Variants in MAP2K6 observed in about 807,000 individuals in gnomAD.
MAP2K6 encodes dual specificity mitogen-activated protein kinase kinase 6.
A neutral mutation model predicts 53.7 loss-of-function variants in MAP2K6; 16 were observed. The ratio of observed to expected loss-of-function variants is 0.30; its 90% CI spans 0.20 to 0.45. MAP2K6 has a LOEUF of 0.45. Among genes scored for constraint, MAP2K6 ranks in the 20% least tolerant of loss-of-function variants. The pLI is 1.00. For missense variants in MAP2K6, 204 were observed against 411.9 expected, an observed-to-expected ratio of 0.50 and a Z score of 4.37; for synonymous variants, 132 against 143.1, an observed-to-expected ratio of 0.92 and a Z score of 0.55.
intron 1 of MAP2K6, among the ~76,000 whole-genome samples, chr17:69,455,469 CT>C (rs1907372774): frequency 6.6e-6 from 1 of 152,104 alleles, no homozygotes; most frequent in African/African-American, 2.4e-5. Flanking sequence ...TATTTCTCCC[CT>C]GAGTCTCATT....
intron 11 of MAP2K6, among the ~76,000 whole-genome samples, chr17:69,536,613 T>A (rs1331058139): frequency 3.9e-5 from 6 of 152,088 alleles, no homozygotes; most frequent in Admixed American, 6.5e-5. Flanking sequence ...GGAAAAAAAA[T>A]TTTGCTTTTT....
intron 1 of MAP2K6, among the ~76,000 whole-genome samples, chr17:69,448,465 G>A (rs1343978085): frequency 6.6e-6 from 1 of 152,100 alleles, no homozygotes; most frequent in Non-Finnish European, 1.5e-5. Flanking sequence ...TTCCCAGCCC[G>A]AAGCTGGAGG....
At position 69,523,590 on chromosome 17, in the gene MAP2K6, G is replaced by A. The variant is rs1218918318; in HGVS notation, c.612G>A (p.Leu204=). The change falls in exon 8 of 12, where the codon TTG becomes TTA. Residue 204 remains leucine (L), a synonymous_variant. Transcript: ENST00000590474. ...GCGATTTTGGAATCAGTGGCTACTT[G>A]GTGGACTCTGTTGCTAAAACAATTG... The part of the protein sequence containing the change: ...KMCDFGISGY[L]VDSVAKTIDA... The A allele has an allele frequency of 5.6e-6, 9 of 1,613,954 alleles. No homozygotes were observed. The African/African-American group carries it at 1.1e-4, about 19-fold the overall frequency.
chr17:69,520,722 T>C (rs1910421572), intron 6 of MAP2K6: 1 of 377,702 alleles, frequency 2.6e-6, no homozygotes, highest in Non-Finnish European at 4.7e-6. Context: ...CTAGTAGGCA[T>C]AGAAGAAAGC....
At chr17:69,501,671 T>G (rs1909180290) in intron 1 of MAP2K6, 1 of 152,176 alleles carries the variant, frequency 6.6e-6, no homozygotes, top group African/African-American at 2.4e-5. Flanking sequence ...TAGTGCTGCA[T>G]ATGCCCAATC....
intron 1 of MAP2K6, among the ~76,000 whole-genome samples, chr17:69,445,782 G>T (rs928711437): frequency 6.6e-6 from 1 of 152,092 alleles, no homozygotes; most frequent in Admixed American, 6.6e-5. Flanking sequence ...GTAATAATTG[G>T]GTTGACAGGA....
At chr17:69,485,908 G>A (rs867250129) in intron 1 of MAP2K6, among the ~76,000 whole-genome samples, 28 of 152,094 alleles carry the variant, frequency 1.8e-4, no homozygotes, top group South Asian at 1.2e-3. Flanking sequence ...AAAGTCCCAA[G>A]CATCAAAACT....
intron 2 of MAP2K6, among the ~76,000 whole-genome samples, chr17:69,511,904 A>C (rs1403294822): frequency 2.0e-5 from 3 of 152,218 alleles, no homozygotes. Context: ...GCTTGAACCC[A>C]GGAGGGAGAG....
rs539209236 is a variant in MAP2K6 at position 69,463,963 on chromosome 17, G to A, written c.17-41817G>A. ...GAACCTGGGAGGCGGAGGTTGCAGCGAGCCGAGATTGCGCCACTGCACTCC... is the reference window on the plus strand; with the variant it reads ...GAACCTGGGAGGCGGAGGTTGCAGCAAGCCGAGATTGCGCCACTGCACTCC... On this transcript the variant is annotated intron_variant, in intron 1 of 11. Transcript: ENST00000590474. Among the ~76,000 whole-genome samples, 17 of 152,008 alleles carry A rather than the reference G, an allele frequency of 1.1e-4. No individual in the cohort carries two copies. In the East Asian group the frequency reaches 2.4e-3, roughly 21 times the overall value.
intron 1 of MAP2K6, among the ~76,000 whole-genome samples, chr17:69,449,419 T>A (rs994575429): frequency 1.3e-5 from 2 of 151,664 alleles, no homozygotes; most frequent in African/African-American, 4.8e-5. Flanking sequence ...TTTTTTTGTG[T>A]GGGGAGGTAT....
At chr17:69,421,650 T>A (rs1906083825) in intron 1 of MAP2K6, among the ~76,000 whole-genome samples, 1 of 151,696 alleles carries the variant, frequency 6.6e-6, no homozygotes, top group Non-Finnish European at 1.5e-5. Flanking sequence ...GCCATTCTCC[T>A]GCCTCAGCCT....
chr17:69,485,656 G>T (rs1312083627), intron 1 of MAP2K6, among the ~76,000 whole-genome samples: 4 of 152,220 alleles, frequency 2.6e-5, no homozygotes, highest in Non-Finnish European at 4.4e-5. Flanking sequence ...AGATTTTTCT[G>T]TTTGTCACCC....
intron 1 of MAP2K6, among the ~76,000 whole-genome samples, chr17:69,436,325 AT>A (rs1265686660): frequency 5.3e-5 from 8 of 152,322 alleles, no homozygotes; most frequent in East Asian, 3.9e-4. Context: ...GATAAAAAAA[AT>A]ACTATAATTA....
intron 1 of MAP2K6, among the ~76,000 whole-genome samples, chr17:69,451,202 C>T (rs1272967182): frequency 6.6e-6 from 1 of 152,200 alleles, no homozygotes; most frequent in Admixed American, 6.5e-5. Context: ...TGGCTTGTGT[C>T]TGGCTTATGG....
chr17:69,538,159 T>C (rs949692186), intron 11 of MAP2K6, among the ~76,000 whole-genome samples: 20 of 152,202 alleles, frequency 1.3e-4, no homozygotes, highest in African/African-American at 4.6e-4. Context: ...TGTGCACCTG[T>C]ACTCCTATTC....
At chr17:69,495,050 A>G (rs1282042927) in intron 1 of MAP2K6, among the ~76,000 whole-genome samples, 1 of 151,378 alleles carries the variant, frequency 6.6e-6, no homozygotes, top group East Asian at 1.9e-4. Flanking sequence ...CAAAAACCCA[A>G]AATTGTGGTC....
intron 1 of MAP2K6, among the ~76,000 whole-genome samples, chr17:69,492,477 T>G (rs747826069): frequency 4.6e-5 from 7 of 152,206 alleles, no homozygotes; most frequent in Non-Finnish European, 1.0e-4. Context: ...GCAGCCTTAT[T>G]TCTGGGCTCT....
chr17:69,519,134 T>C (rs1414414047), intron 4 of MAP2K6, among the ~76,000 whole-genome samples, 179 bp from the exon 5 acceptor site: 4 of 152,238 alleles, frequency 2.6e-5, no homozygotes, highest in Non-Finnish European at 5.9e-5. Flanking sequence ...GGAAATCAAA[T>C]GAGTAACAGC....
At chr17:69,449,332 G>C (rs570198313) in intron 1 of MAP2K6, among the ~76,000 whole-genome samples, 128 of 151,628 alleles carry the variant, frequency 8.4e-4, no homozygotes, top group African/African-American at 3.0e-3. Flanking sequence ...ATATGTAAAG[G>C]CTTTAAAAAA....
Sources: allele counts gnomAD v4.1 joint callset (sites outside exome capture counted in the v4.1 genomes callset), GRCh38; gene constraint gnomAD v4.1.1; transcripts MANE v1.5; gene names NCBI Gene and HGNC (gene_info 2026-07-23, HGNC 2026-07-21).